Variants in KCNIP4 observed in about 807,000 individuals in gnomAD.
KCNIP4 encodes potassium voltage-gated channel interacting protein 4, also known as Kv channel-interacting protein 4.
In KCNIP4, 12 loss-of-function variants were observed where a neutral mutation model predicts 34.0. The observed-to-expected ratio is 0.35, with a 90% confidence interval of 0.23 to 0.57. The LOEUF (loss-of-function observed/expected upper bound fraction) is 0.57. Among genes scored for constraint, KCNIP4 ranks in the 20% least tolerant of loss-of-function variants. The probability of loss-of-function intolerance (pLI) is 0.83; values close to 1 mark genes in which losing one functional copy is unlikely to be tolerated. For synonymous variants in KCNIP4, 124 were observed against 102.2 expected, an observed-to-expected ratio of 1.21 and a Z score of -1.29; for missense variants, 238 against 311.7, an observed-to-expected ratio of 0.76 and a Z score of 1.78.
In KCNIP4 at chr4:21,198,001, C is replaced by T. The variant is rs1050158398; in HGVS notation, c.62-315292G>A. On this transcript the variant is annotated intron_variant, in intron 1 of 8. Transcript: ENST00000382152. ...GAGGGGCAACAATATTCTTGAGACA[C>T]ATTTTAAAAAGAAGTGTTAACAAGG... 2.0e-5 allele frequency among the ~76,000 whole-genome samples: 3 copies of T among 152,114 alleles called. No individual in the cohort carries two copies. The South Asian group carries it at 6.2e-4, about 32-fold the overall frequency.
At chr4:20,885,036 T>C (rs948193089) in intron 1 of KCNIP4, among the ~76,000 whole-genome samples, 2 of 152,012 alleles carry the variant, frequency 1.3e-5, no homozygotes, top group Non-Finnish European at 2.9e-5. Context: ...AAACACACCT[T>C]CCTCTGGCCA....
At chr4:21,251,453 G>C (rs1202281473) in intron 1 of KCNIP4, among the ~76,000 whole-genome samples, 1 of 151,854 alleles carries the variant, frequency 6.6e-6, no homozygotes, top group African/African-American at 2.4e-5. Flanking sequence ...ATCATGTTAA[G>C]GTGCTAGAAC....
In KCNIP4 at chr4:20,881,386, C is replaced by T. The variant is rs535963708; in HGVS notation, c.163+1222G>A. Among the ~76,000 whole-genome samples the T allele has an allele frequency of 5.9e-5, 9 of 151,930 alleles. No homozygotes were observed. In the South Asian group the frequency reaches 6.2e-4, roughly 11 times the overall value. On this transcript the variant is annotated intron_variant, in intron 2 of 8. Coordinates refer to ENST00000382152, the MANE Select transcript of KCNIP4 (RefSeq NM_025221.6). ...CAAAATGGTGTAGCAGTATAAAAAG[C>T]GAGTAGGTGGAGCTGTGGGTTATAG...
chr4:21,346,181 T>A (rs1717321725), intron 1 of KCNIP4, among the ~76,000 whole-genome samples: 2 of 93,634 alleles, frequency 2.1e-5, no homozygotes, highest in Non-Finnish European at 4.2e-5. Context: ...CTGTAATATA[T>A]ATTATATATA....
intron 1 of KCNIP4, among the ~76,000 whole-genome samples, chr4:21,130,957 T>C (rs73245252): frequency 0.035 from 5,295 of 152,192 alleles, 131 homozygotes; most frequent in Non-Finnish European, 0.052. Context: ...AAATCATAAG[T>C]CAAGCCATTG....
intron 3 of KCNIP4, among the ~76,000 whole-genome samples, chr4:20,821,854 A>ATG (rs139608764): frequency 0.062 from 9,303 of 150,558 alleles, 448 homozygotes; most frequent in East Asian, 0.21. Flanking sequence ...GTGTGTGTGT[A>ATG]TGTGTGTGTG....
chr4:21,065,409 A>T (rs1453387147), intron 1 of KCNIP4, among the ~76,000 whole-genome samples: 1 of 152,146 alleles, frequency 6.6e-6, no homozygotes, highest in Non-Finnish European at 1.5e-5. Flanking sequence ...TTTCATATGC[A>T]TGACAAAGCC....
chr4:20,858,074 T>C (rs1721797805), intron 2 of KCNIP4, among the ~76,000 whole-genome samples: 2 of 150,888 alleles, frequency 1.3e-5, no homozygotes, highest in South Asian at 4.2e-4. Flanking sequence ...AGGCGGGTGT[T>C]GTGGTGGGTG....
chr4:21,531,199 C>A (rs977885076), intron 1 of KCNIP4, among the ~76,000 whole-genome samples: 7 of 152,096 alleles, frequency 4.6e-5, no homozygotes, highest in African/African-American at 1.7e-4. Context: ...TGAAAACCAA[C>A]CTGCTTATCT....
chr4:21,364,945 A>G (rs1470229680), intron 1 of KCNIP4, among the ~76,000 whole-genome samples: 1 of 152,158 alleles, frequency 6.6e-6, no homozygotes, highest in East Asian at 1.9e-4. Context: ...AAAGATAGGA[A>G]AGCAAGGGAA....
intron 1 of KCNIP4, among the ~76,000 whole-genome samples, chr4:21,153,405 G>T (rs1470893585): frequency 4.0e-5 from 6 of 150,546 alleles, no homozygotes; most frequent in Non-Finnish European, 8.9e-5. Flanking sequence ...TTTTCTATGT[G>T]GTTAAAGGGC....
At chr4:20,830,602 T>C (rs1292444119) in intron 3 of KCNIP4, among the ~76,000 whole-genome samples, 2 of 152,200 alleles carry the variant, frequency 1.3e-5, no homozygotes, top group Non-Finnish European at 2.9e-5. Flanking sequence ...TCTAAACTTT[T>C]TGGTATTTTA....
At chr4:20,899,932 T>C (rs1268895982) in intron 1 of KCNIP4, among the ~76,000 whole-genome samples, 1 of 152,172 alleles carries the variant, frequency 6.6e-6, no homozygotes, top group African/African-American at 2.4e-5. Context: ...TTTTTAATCC[T>C]GAAAATGCTA....
At position 21,066,083 on chromosome 4, in the gene KCNIP4, C is replaced by CA. The variant is rs139678398; in HGVS notation, c.62-183375dup. Among the ~76,000 whole-genome samples the CA allele has an allele frequency of 7.3e-4, 111 of 151,610 alleles. 2 individuals are homozygous for CA. The East Asian group carries it at 0.02, about 28-fold the overall frequency. ...GGGTAAAAACAAACAAACAAACAAA[C>CA]AAAAAACCTCCATCCCTTGCCTCAG... On this transcript the variant is annotated intron_variant, in intron 1 of 8. Coordinates refer to ENST00000382152, the MANE Select transcript of KCNIP4 (RefSeq NM_025221.6).
chr4:21,520,554 C>T (rs938786291), intron 1 of KCNIP4, among the ~76,000 whole-genome samples: 7 of 151,980 alleles, frequency 4.6e-5, no homozygotes, highest in Admixed American at 1.3e-4. Context: ...TTCACAGAAG[C>T]GTTATTTTCT....
At chr4:21,528,671 A>G (rs6813856) in intron 1 of KCNIP4, among the ~76,000 whole-genome samples, 3,613 of 115,632 alleles carry the variant, frequency 0.031, 163 homozygotes, top group East Asian at 0.039. Context: ...TGTCTCATAA[A>G]AAACAAAGAA....
chr4:20,744,993 A>T (rs1490366666), intron 5 of KCNIP4, among the ~76,000 whole-genome samples: 4 of 152,124 alleles, frequency 2.6e-5, no homozygotes, highest in Non-Finnish European at 4.4e-5. Flanking sequence ...TGTGGTTGCC[A>T]TTTGACTAAA....
intron 1 of KCNIP4, among the ~76,000 whole-genome samples, chr4:21,038,969 A>G (rs575870349): frequency 1.4e-4 from 22 of 152,124 alleles, no homozygotes; most frequent in Non-Finnish European, 2.8e-4. Flanking sequence ...CATCATTCTC[A>G]TGTTTTTGAG....
chr4:20,956,126 T>G (rs551800438), intron 1 of KCNIP4, among the ~76,000 whole-genome samples: 3 of 152,364 alleles, frequency 2.0e-5, no homozygotes, highest in African/African-American at 7.2e-5. Context: ...GAATCCTCTA[T>G]GTGCCTTACA....
Sources: allele counts gnomAD v4.1 joint callset (sites outside exome capture counted in the v4.1 genomes callset), GRCh38; gene constraint gnomAD v4.1.1; transcripts MANE v1.5; gene names NCBI Gene and HGNC (gene_info 2026-07-23, HGNC 2026-07-21).